RPH3A: variants seen among roughly 807,000 people sequenced by gnomAD.
The protein encoded by RPH3A is rabphilin-3A.
A neutral mutation model predicts 102.2 loss-of-function variants in RPH3A; 48 were observed. The observed-to-expected ratio is 0.47, with a 90% CI of 0.37 to 0.60. RPH3A has a LOEUF of 0.60. RPH3A is among the 20% of genes least tolerant of loss of function. The pLI is 0.00. For synonymous variants in RPH3A, 310 were observed against 324.3 expected (o/e 0.96, Z 0.47); for missense variants, 781 against 910.1 (o/e 0.86, Z 1.83).
At position 112,896,791 on chromosome 12, in the gene RPH3A, AGGTCCCCATCTCCATGTCCCG is replaced by A; in HGVS notation, c.*19_*39del. ...GTGTCAAGTGATTAGGCTAGTGCCC[AGGTCCCCATCTCCATGTCCCG>A]GGTCCCCCCCAGCCTGCTCTAGCTG... On this transcript the variant is annotated 3_prime_UTR_variant, in exon 22 of 22. Transcript: ENST00000389385. The A allele has an allele frequency of 1.9e-6, 3 of 1,613,664 alleles. No individual in the cohort carries two copies. Among genetic ancestry groups the A allele is most frequent in the Non-Finnish European group, 2.5e-6 (3 of 1,179,852 alleles).
chr12:112,599,377 TA>T (rs1249409065), intron 1 of RPH3A, among the ~76,000 whole-genome samples: 2 of 152,350 alleles, frequency 1.3e-5, no homozygotes, highest in Admixed American at 1.3e-4. Flanking sequence ...ATCTCATGCC[TA>T]TACAATGCAA....
chr12:112,763,002 G>C (rs1420271865), intron 1 of RPH3A, among the ~76,000 whole-genome samples: 1 of 152,198 alleles, frequency 6.6e-6, no homozygotes, highest in Non-Finnish European at 1.5e-5. Context: ...AAGGAATGTT[G>C]GGTACTGAGC....
At chr12:112,778,680 G>A (rs1015567324) in intron 1 of RPH3A, among the ~76,000 whole-genome samples, 1 of 152,142 alleles carries the variant, frequency 6.6e-6, no homozygotes, top group Non-Finnish European at 1.5e-5. Context: ...TCTCTCTTTT[G>A]CATAGGCGTC....
chr12:112,879,026 A>T (rs1020423383), intron 13 of RPH3A, 93 bp from the exon 14 acceptor site: 6 of 1,143,146 alleles, frequency 5.2e-6, no homozygotes, highest in Non-Finnish European at 7.8e-6. Context: ...GTCTCAATTC[A>T]CAGCCCAGCC....
At chr12:112,647,042 C>A (rs12318117) in intron 1 of RPH3A, among the ~76,000 whole-genome samples, 2 of 152,228 alleles carry the variant, frequency 1.3e-5, no homozygotes, top group South Asian at 2.1e-4. Context: ...TTTTCCAGAG[C>A]GCAGAACAGC....
intron 1 of RPH3A, among the ~76,000 whole-genome samples, chr12:112,683,184 G>T (rs1460263950): frequency 6.6e-6 from 1 of 152,124 alleles, no homozygotes; most frequent in African/African-American, 2.4e-5. Flanking sequence ...GGTGGTTACG[G>T]GCCGAACTGG....
At chr12:112,611,566 G>A (rs1343358891) in intron 1 of RPH3A, among the ~76,000 whole-genome samples, 1 of 152,078 alleles carries the variant, frequency 6.6e-6, no homozygotes, top group Non-Finnish European at 1.5e-5. Context: ...AGCCTCCTGA[G>A]TAGCTGAGAT....
chr12:112,676,881 T>C (rs938049066), intron 1 of RPH3A, among the ~76,000 whole-genome samples: 1 of 152,034 alleles, frequency 6.6e-6, no homozygotes, highest in Non-Finnish European at 1.5e-5. Context: ...TAAATGACAA[T>C]ATTAGGGAGG....
chr12:112,606,949 C>G (rs140332811), intron 1 of RPH3A, among the ~76,000 whole-genome samples: 113 of 152,282 alleles, frequency 7.4e-4, no homozygotes, highest in African/African-American at 2.6e-3. Flanking sequence ...CATCAGCAAG[C>G]AACTTCACTT....
chr12:112,673,859 G>T (rs1263778803), intron 1 of RPH3A, among the ~76,000 whole-genome samples: 2 of 151,906 alleles, frequency 1.3e-5, no homozygotes, highest in African/African-American at 4.8e-5. Flanking sequence ...CCAGCCTCTG[G>T]TAACAATCTG....
intron 5 of RPH3A, among the ~76,000 whole-genome samples, chr12:112,853,796 C>G (rs1239859816): frequency 6.6e-6 from 1 of 151,734 alleles, no homozygotes; most frequent in Non-Finnish European, 1.5e-5. Context: ...ACACTGCACT[C>G]CAGCCTGGGT....
At chr12:112,806,074 C>T (rs2041455738) in intron 2 of RPH3A, among the ~76,000 whole-genome samples, 1 of 152,184 alleles carries the variant, frequency 6.6e-6, no homozygotes, top group South Asian at 2.1e-4. Flanking sequence ...ACCATTCACC[C>T]ACACAACTGT....
At position 112,711,981 on chromosome 12, in the gene RPH3A, C is replaced by A. The variant is rs184857522; in HGVS notation, c.-139-80162C>A. On this transcript the variant is annotated intron_variant, in intron 1 of 21. Coordinates refer to the RPH3A transcript ENST00000543106. ...CAGAGTAGCTGGGATTACAGGCATGCACCTCCATACCTGGCTAATTTTGTA... is the reference window on the plus strand; with the variant it reads ...CAGAGTAGCTGGGATTACAGGCATGAACCTCCATACCTGGCTAATTTTGTA... Among the ~76,000 whole-genome samples the A allele has an allele frequency of 1.5e-3, 233 of 152,192 alleles. 1 individual carries two copies. The highest frequency in any genetic ancestry group is 5.5e-3 in the African/African-American group (228 of 41,526).
intron 1 of RPH3A, among the ~76,000 whole-genome samples, chr12:112,672,872 A>C (rs944074732): frequency 6.6e-6 from 1 of 152,174 alleles, no homozygotes; most frequent in African/African-American, 2.4e-5. Context: ...TGGCTCCCAG[A>C]GTCCCTACGG....
At chr12:112,719,098 G>A (rs975073420) in intron 1 of RPH3A, among the ~76,000 whole-genome samples, 5 of 152,060 alleles carry the variant, frequency 3.3e-5, no homozygotes, top group African/African-American at 9.7e-5. Flanking sequence ...GCATATGGTG[G>A]GTAGAAGAAA....
At chr12:112,868,877 A>T in intron 8 of RPH3A, 1 of 294,040 alleles carries the variant, frequency 3.4e-6, no homozygotes, top group Non-Finnish European at 6.2e-6. Context: ...AAAATTAGGA[A>T]CTGAGAGAGA....
intron 10 of RPH3A, 30 bp from the exon 11 acceptor site, chr12:112,875,054 A>T: frequency 1.3e-6 from 2 of 1,561,642 alleles, no homozygotes; most frequent in Non-Finnish European, 1.7e-6. Context: ...TGTGACACAT[A>T]ATGGCTGTTT....
intron 1 of RPH3A, among the ~76,000 whole-genome samples, chr12:112,631,298 G>A (rs1294818191): frequency 2.6e-5 from 4 of 152,046 alleles, no homozygotes; most frequent in African/African-American, 4.8e-5. Flanking sequence ...GGCAGGGCTC[G>A]TCTTGCACAA....
Position 112,887,818 on chromosome 12 carries a change from C to A in RPH3A, c.1458C>A (p.Asp486Glu). 6.2e-7 allele frequency: 1 copy of A among 1,613,822 alleles called. No homozygotes were observed. Among genetic ancestry groups the A allele is most frequent in the Non-Finnish European group, 8.5e-7 (1 of 1,179,764 alleles). ...KTLRISVCDEDKFGHNEFIGE... is the reference protein window; with the variant it reads ...KTLRISVCDEEKFGHNEFIGE... ...GCAGGATCTCCGTCTGTGATGAGGA[C>A]AAATTTGGCCACAATGAATTTATTG... Residue 486 changes from aspartate to glutamate, a missense_variant, in exon 17 of 22, where the codon GAC (aspartate) becomes GAA (glutamate). Coordinates refer to ENST00000389385, the MANE Select transcript of RPH3A (RefSeq NM_001143854.2).
Sources: allele counts gnomAD v4.1 joint callset (sites outside exome capture counted in the v4.1 genomes callset), GRCh38; gene constraint gnomAD v4.1.1; transcripts MANE v1.5; gene names NCBI Gene and HGNC (gene_info 2026-07-23, HGNC 2026-07-21).